RORA: variants seen among roughly 807,000 people sequenced by gnomAD.
RORA encodes RAR related orphan receptor A, also known as nuclear receptor ROR-alpha.
Under a neutral mutation model 69.5 loss-of-function variants are expected in RORA, and 7 were observed. The ratio of observed to expected loss-of-function variants is 0.10; its 90% CI spans 0.06 to 0.19. RORA has a LOEUF of 0.19. RORA is among the 10% of genes least tolerant of loss of function. The pLI, the probability that RORA is intolerant of heterozygous loss-of-function variation, is 1.00. For missense variants in RORA, 457 were observed against 663.0 expected, an observed-to-expected ratio of 0.69 and a Z score of 3.41; for synonymous variants, 261 against 240.8, an observed-to-expected ratio of 1.08 and a Z score of -0.78.
intron 1 of RORA, among the ~76,000 whole-genome samples, chr15:60,992,139 C>A (rs534586576): frequency 1.4e-4 from 21 of 152,028 alleles, no homozygotes; most frequent in African/African-American, 5.1e-4. Flanking sequence ...TAATAAACAC[C>A]AGAGTTTCAA....
chr15:61,097,339 T>C lies in RORA; in HGVS notation c.166+131714A>G, dbSNP rs188077747. Among the ~76,000 whole-genome samples the C allele has an allele frequency of 3.3e-4, 50 of 152,314 alleles. No homozygotes were observed. The East Asian group carries it at 6.2e-3, about 19-fold the overall frequency. On this transcript the variant is annotated intron_variant, in intron 1 of 10. Coordinates refer to ENST00000335670, the MANE Select transcript of RORA (RefSeq NM_134261.3). ...AAAATAAATAAAAGGAATTGCTACA[T>C]ACCTGGAATTTGCTGCAAACTTTCC...
intron 1 of RORA, among the ~76,000 whole-genome samples, chr15:61,011,789 T>G (rs1895095421): frequency 6.6e-6 from 1 of 152,228 alleles, no homozygotes; most frequent in Non-Finnish European, 1.5e-5. Context: ...TGCTACCAAG[T>G]GCCCACTTAA....
In RORA at chr15:61,214,777, T is replaced by A. The variant is rs1210358053; in HGVS notation, c.166+14276A>T. On this transcript the variant is annotated intron_variant, in intron 1 of 10. Transcript: ENST00000335670. ...CGGTTGAAAACTCCTGGACAATTAC[T>A]GCCAAACTATCCCCTGAAGCCAGTC... 3.9e-5 allele frequency among the ~76,000 whole-genome samples: 6 copies of A among 151,910 alleles called. No homozygotes were observed. The East Asian group carries it at 1.2e-3, about 29-fold the overall frequency.
intron 1 of RORA, among the ~76,000 whole-genome samples, chr15:60,708,709 C>T (rs1235069123): frequency 6.6e-6 from 1 of 152,216 alleles, no homozygotes; most frequent in Non-Finnish European, 1.5e-5. Context: ...TCCCCCCAAC[C>T]CTGTTCCCAG....
At chr15:61,129,925 T>C (rs1190847303) in intron 1 of RORA, among the ~76,000 whole-genome samples, 1 of 152,228 alleles carries the variant, frequency 6.6e-6, no homozygotes, top group African/African-American at 2.4e-5. Flanking sequence ...TTCCAATGTA[T>C]TCCATTTCCT....
intron 1 of RORA, among the ~76,000 whole-genome samples, chr15:60,710,258 G>A (rs564786412): frequency 3.3e-5 from 5 of 152,286 alleles, no homozygotes; most frequent in Admixed American, 1.3e-4. Context: ...GGAGGCCGAG[G>A]TGGGTGGATC....
chr15:60,628,079 A>G (rs115665392), intron 2 of RORA, among the ~76,000 whole-genome samples: 1,890 of 152,300 alleles, frequency 0.012, 30 homozygotes, highest in African/African-American at 0.043. Flanking sequence ...GTATTGCTTT[A>G]CTATGGTGTG....
chr15:61,114,923 A>AG (rs2079037170), intron 1 of RORA, among the ~76,000 whole-genome samples: 1 of 152,250 alleles, frequency 6.6e-6, no homozygotes, highest in Non-Finnish European at 1.5e-5. Flanking sequence ...TCATCATTAG[A>AG]GTTATGCTTT....
chr15:61,128,565 G>A lies in RORA; in HGVS notation c.166+100488C>T, dbSNP rs1043015831. Among the ~76,000 whole-genome samples the A allele has an allele frequency of 2.6e-5, 4 of 152,202 alleles. No individual in the cohort carries two copies. The highest frequency in any genetic ancestry group is 9.7e-5 in the African/African-American group (4 of 41,450). On this transcript the variant is annotated intron_variant, in intron 1 of 10. Coordinates refer to ENST00000335670, the MANE Select transcript of RORA (RefSeq NM_134261.3). The surrounding 1 kb of genome is among the most constrained non-coding windows in gnomAD (Gnocchi z 4.5). ...TAGATAACTCAGGGATACGGGGAGA[G>A]AGAAATCCTGGGGTGTGCAATCGAT... is the stretch of plus-strand genomic sequence containing the variant.
In RORA at chr15:60,511,484, T is replaced by A; in HGVS notation, c.562A>T (p.Ile188Phe). 1 of 1,614,146 alleles carries A rather than the reference T, an allele frequency of 6.2e-7. No homozygotes were observed. Among genetic ancestry groups the A allele is most frequent in the Non-Finnish European group, 8.5e-7 (1 of 1,180,016 alleles). Reference protein sequence around the residue: ...EAEPLTPTYNISANGLTELHD... With the variant: ...EAEPLTPTYNFSANGLTELHD... ...AGTTCCGTCAGCCCGTTGGCCGAGA[T>A]GTTGTAGGTGGGCGTCAGCGGCTCA... Residue 188 changes from isoleucine (I) to phenylalanine (F), a missense_variant, in exon 5 of 11, where the codon ATC (isoleucine) becomes TTC (phenylalanine). Ile to Phe is a conservative substitution (Grantham distance 21). This residue lies in a region of RORA where 304 missense variants were observed against 447.4 expected (regional missense o/e 0.68). Transcript: ENST00000335670. This position sits in a 1 kb window ranked among gnomAD's most constrained non-coding sequence, Gnocchi z 6.4.
chr15:61,159,695 C>T (rs1023866553), intron 1 of RORA, among the ~76,000 whole-genome samples: 5 of 152,162 alleles, frequency 3.3e-5, no homozygotes, highest in Admixed American at 6.5e-5. Context: ...TGTACCTTTG[C>T]GGCAATCACA....
At chr15:61,035,210 C>T (rs532343366) in intron 1 of RORA, among the ~76,000 whole-genome samples, 3 of 152,142 alleles carry the variant, frequency 2.0e-5, no homozygotes, top group Non-Finnish European at 4.4e-5. Context: ...TACTTTATTA[C>T]ATCTGCTTCT....
intron 1 of RORA, among the ~76,000 whole-genome samples, chr15:61,175,218 T>C (rs923515932): frequency 4.6e-5 from 7 of 152,184 alleles, no homozygotes; most frequent in African/African-American, 1.2e-4. Flanking sequence ...CACTTCAAGA[T>C]GCCACGAGGG....
intron 1 of RORA, among the ~76,000 whole-genome samples, chr15:60,696,480 C>A (rs1427536391): frequency 5.9e-5 from 9 of 152,164 alleles, no homozygotes; most frequent in Non-Finnish European, 1.3e-4. Flanking sequence ...AGCTAAGGAA[C>A]AGAAGGCCAG....
chr15:60,592,663 G>GCGCGCCCCAGCGC lies in RORA; in HGVS notation c.197-60825_197-60813dup, dbSNP rs1449199264. ...GCGGGAGGCGGGAGGCGGGAGGCAGGCGCGCCCCAGCGCCGCGCCCCGCCC... is the reference window on the plus strand; with the variant it reads ...GCGGGAGGCGGGAGGCGGGAGGCAGGCGCGCCCCAGCGCCGCGCCCCAGCGCCGCGCCCCGCCC... On this transcript the variant is annotated intron_variant, in intron 2 of 10. Coordinates refer to ENST00000335670, the MANE Select transcript of RORA (RefSeq NM_134261.3). 8.3e-6 allele frequency: 9 copies of GCGCGCCCCAGCGC among 1,086,412 alleles called. No individual in the cohort carries two copies. The East Asian group carries it at 3.8e-4, about 46-fold the overall frequency. The allele number at this position is 1,086,412 out of a possible 1,614,324, so 67.3% of individuals were successfully genotyped here.
chr15:60,720,002 C>G (rs868471885), intron 1 of RORA, among the ~76,000 whole-genome samples: 3 of 152,266 alleles, frequency 2.0e-5, no homozygotes, highest in Admixed American at 1.3e-4. Flanking sequence ...GTCTACAAAG[C>G]CCCACCTCCC....
intron 1 of RORA, among the ~76,000 whole-genome samples, chr15:60,798,689 G>A (rs1012055416): frequency 6.6e-5 from 10 of 152,032 alleles, no homozygotes; most frequent in Middle Eastern, 3.2e-3. Context: ...GCATGGTAGC[G>A]GGGAGGGGAC....
intron 4 of RORA, among the ~76,000 whole-genome samples, chr15:60,513,725 AGTGAACTCGT>A (rs1221392531): frequency 6.6e-6 from 1 of 152,228 alleles, no homozygotes; most frequent in Non-Finnish European, 1.5e-5. Context: ...CAGGAACAAA[AGTGAACTCGT>A]GCCTATGTAG....
In RORA at chr15:61,167,482, ATTTTTTTT is replaced by A. The variant is rs199752865; in HGVS notation, c.166+61563_166+61570del. On this transcript the variant is annotated intron_variant, in intron 1 of 10. Coordinates refer to ENST00000335670, the MANE Select transcript of RORA (RefSeq NM_134261.3). ...AAAGGATGCAAATAATTTGACCAGG[ATTTTTTTT>A]TTTTTTTTTTTTTTTTTTTTTTTTT... is the stretch of plus-strand genomic sequence containing the variant. Among the ~76,000 whole-genome samples, 344 of 133,358 alleles carry A rather than the reference ATTTTTTTT, an allele frequency of 2.6e-3. 1 individual carries two copies. Among genetic ancestry groups the A allele is most frequent in the African/African-American group, 9.4e-3 (324 of 34,640 alleles). The allele number at this position is 133,358 out of a possible 152,430, so 87.5% of individuals were successfully genotyped here.
Sources: allele counts gnomAD v4.1 joint callset (sites outside exome capture counted in the v4.1 genomes callset), GRCh38; gene constraint gnomAD v4.1.1; regional missense constraint gnomAD v4.1.1; non-coding constraint Gnocchi (gnomAD v3.1); transcripts MANE v1.5; gene names NCBI Gene and HGNC (gene_info 2026-07-23, HGNC 2026-07-21).